The following ABR variants were observed in gnomAD, a reference collection of about 807,000 sequenced individuals.
ABR encodes the protein ABR activator of RhoGEF and GTPase, also known as active breakpoint cluster region-related protein.
Under a neutral mutation model 107.2 loss-of-function variants are expected in ABR, and 35 were observed. The observed-to-expected ratio is 0.33, with a 90% CI of 0.25 to 0.43. The LOEUF (loss-of-function observed/expected upper bound fraction) is 0.43, where lower values mean the gene tolerates loss of function less well. ABR is among the 20% of genes least tolerant of loss of function. ABR has a pLI of 1.00. For synonymous variants in ABR, 498 were observed against 462.0 expected (o/e 1.08, Z -1.00); for missense variants, 815 against 1,115.2 (o/e 0.73, Z 3.83).
At chr17:1,057,940 T>G (rs540411287) in intron 12 of ABR, 30 bp downstream of exon 12, 1 of 1,584,774 alleles carries the variant, frequency 6.3e-7, no homozygotes, top group Admixed American at 1.7e-5. Context: ...ACGGACATCA[T>G]TGGGGAGCGT....
intron 1 of ABR, among the ~76,000 whole-genome samples, chr17:1,201,778 G>C (rs909964426): frequency 3.3e-5 from 5 of 152,002 alleles, no homozygotes; most frequent in African/African-American, 1.2e-4. Context: ...CCACGTTCAC[G>C]CCATTCTCCT....
intron 16 of ABR, among the ~76,000 whole-genome samples, chr17:1,041,646 T>G (rs1019735174): frequency 6.6e-6 from 1 of 152,050 alleles, no homozygotes; most frequent in African/African-American, 2.4e-5. Flanking sequence ...GACAGGAGAA[T>G]CACTTGAACC....
intron 16 of ABR, among the ~76,000 whole-genome samples, chr17:1,026,880 A>G (rs1177523041): frequency 6.6e-6 from 1 of 151,652 alleles, no homozygotes; most frequent in Non-Finnish European, 1.5e-5. Flanking sequence ...CCCTGTGGCC[A>G]ACACCTGGCA....
intron 4 of ABR, among the ~76,000 whole-genome samples, chr17:1,085,110 C>CTTTTTTTT (rs1230702293): frequency 1.6e-5 from 2 of 126,128 alleles, no homozygotes; most frequent in Admixed American, 8.1e-5. Flanking sequence ...CCAATTAAAA[C>CTTTTTTTT]TTTTTTTTTT....
intron 1 of ABR, among the ~76,000 whole-genome samples, chr17:1,125,916 C>T (rs532784213): frequency 2.9e-4 from 44 of 152,236 alleles, no homozygotes; most frequent in African/African-American, 8.9e-4. Flanking sequence ...GCACGGAGGA[C>T]GGAGCCCAAG....
At chr17:1,031,503 C>G in intron 16 of ABR, 1 of 784,452 alleles carries the variant, frequency 1.3e-6, no homozygotes. Context: ...GGGGCGGGAG[C>G]GGGACCCCAT....
chr17:1,104,024 C>A (rs1212428841), intron 2 of ABR, among the ~76,000 whole-genome samples: 3 of 152,058 alleles, frequency 2.0e-5, no homozygotes, highest in Non-Finnish European at 4.4e-5. Flanking sequence ...GGGAGCCAGG[C>A]ACTGGGAATA....
rs376293928 is a variant in ABR at position 1,012,720 on chromosome 17, G to A, written c.1929C>T (p.Gly643=). 2.5e-4 allele frequency: 396 copies of A among 1,593,802 alleles called. No homozygotes were observed. The highest frequency in any genetic ancestry group is 3.6e-4 in the East Asian group (16 of 44,318). The change falls in exon 18 of 23, where the codon GGC becomes GGT. Residue 643 remains glycine, a synonymous_variant. Coordinates refer to ENST00000302538, the MANE Select transcript of ABR (RefSeq NM_021962.5). The part of the protein sequence containing the change: ...LKRTPSKKQT[G]VFGVKISVVT... ...CCACGCTGATCTTCACACCGAAGAC[G>A]CCGGTCTGCTTTTTGGACGGGGTCC... is the stretch of plus-strand genomic sequence containing the variant.
chr17:1,048,575 G>A (rs1029554742), intron 16 of ABR, among the ~76,000 whole-genome samples: 7 of 135,894 alleles, frequency 5.2e-5, no homozygotes, highest in African/African-American at 1.0e-4. Context: ...GCCCAGCTGC[G>A]CCTGGATCAC....
chr17:1,147,363 TG>T (rs1567824941), intron 1 of ABR, among the ~76,000 whole-genome samples: 3 of 124,348 alleles, frequency 2.4e-5, no homozygotes, highest in South Asian at 2.9e-4. Context: ...GGGTTTTGGT[TG>T]TTTTTTTTTT....
chr17:1,137,326 G>A (rs2040112566), intron 1 of ABR, among the ~76,000 whole-genome samples: 3 of 152,170 alleles, frequency 2.0e-5, no homozygotes, highest in Non-Finnish European at 4.4e-5. Context: ...ACAGGCGTGA[G>A]CCACCGAGCC....
Position 1,145,126 on chromosome 17 carries a change from G to A in ABR, c.62-19759C>T, listed in dbSNP as rs192091263. On this transcript the variant is annotated intron_variant, in intron 1 of 22. Coordinates refer to ENST00000302538, the MANE Select transcript of ABR (RefSeq NM_021962.5). The stretch of plus-strand genomic sequence containing the variant: ...GTTATCGGTATATTCTGTCTTCCCC[G>A]CGAGGTGGTGGCCCTCTTCTGCTCA... Among the ~76,000 whole-genome samples, 107 of 152,292 alleles carry A rather than the reference G, an allele frequency of 7.0e-4. 1 individual carries two copies. The highest frequency in any genetic ancestry group is 1.6e-3 in the African/African-American group (66 of 41,556).
chr17:1,050,552 C>A lies in ABR; in HGVS notation c.1644G>T (p.Glu548Asp), dbSNP rs1474439776. 1 of 1,613,934 alleles carries A rather than the reference C, an allele frequency of 6.2e-7. No homozygotes were observed. The highest frequency in any genetic ancestry group is 8.5e-7 in the Non-Finnish European group (1 of 1,179,996). ...AKTRVFRDTAEPKWDEEFEIE... is the reference protein window; with the variant it reads ...AKTRVFRDTADPKWDEEFEIE... ...TGCCACTCACCTCATCCCACTTGGG[C>A]TCCGCTGTGTCCCGGAACACCCTGG... The change falls in exon 15 of 23, where the codon GAG becomes GAT. Residue 548 changes from glutamate (E) to aspartate (D), a missense_variant. Transcript: ENST00000302538. The surrounding 1 kb of genome is among the most constrained non-coding windows in gnomAD (Gnocchi z 4.6).
chr17:1,178,450 G>C (rs1307255636), intron 1 of ABR, among the ~76,000 whole-genome samples: 1 of 151,974 alleles, frequency 6.6e-6, no homozygotes, highest in East Asian at 1.9e-4. Flanking sequence ...TGTAATCCCA[G>C]CTACTCAGGA....
intron 2 of ABR, among the ~76,000 whole-genome samples, chr17:1,121,220 A>C (rs1470654089): frequency 1.3e-5 from 2 of 152,236 alleles, no homozygotes; most frequent in East Asian, 3.9e-4. Flanking sequence ...AAGGCTGTGG[A>C]AGGGCGTGCT....
At chr17:1,109,173 CCG>C in intron 2 of ABR, 15 of 1,376,044 alleles carry the variant, frequency 1.1e-5, no homozygotes, top group Middle Eastern at 2.7e-4. Flanking sequence ...AGGTCTACAC[CCG>C]CGCGCCCGGC....
rs79009138 is a variant in ABR at position 1,071,622 on chromosome 17, C to T, written c.894+992G>A. Among the ~76,000 whole-genome samples, 4,620 of 152,350 alleles carry T rather than the reference C, an allele frequency of 0.03. 91 individuals are homozygous for T. The highest frequency in any genetic ancestry group is 0.045 in the Non-Finnish European group (3,031 of 68,024). On this transcript the variant is annotated intron_variant, in intron 8 of 22. Transcript: ENST00000302538. The surrounding 1 kb of genome is among the most constrained non-coding windows in gnomAD (Gnocchi z 5.1). ...TGGACGGCCTCCACCACCTCCAACG[C>T]CAGCCTTTCCTGCTGTGGGCTCCCC... is the stretch of plus-strand genomic sequence containing the variant.
intron 1 of ABR, chr17:1,126,246 C>G (rs1157504046): frequency 6.6e-6 from 1 of 152,588 alleles, no homozygotes; most frequent in Non-Finnish European, 1.5e-5. Flanking sequence ...CGGAAAGGCC[C>G]CTGCGTCCAG....
upstream of ABR, among the ~76,000 whole-genome samples, chr17:1,188,243 T>C (rs1340588837): frequency 6.6e-6 from 1 of 151,566 alleles, no homozygotes; most frequent in Non-Finnish European, 1.5e-5. Flanking sequence ...TAACAATGTG[T>C]GGGAGCATTT....
Sources: gnomAD v4.1 joint callset for allele counts (sites outside exome capture counted in the v4.1 genomes callset) on GRCh38, gnomAD v4.1.1 for gene constraint, Gnocchi (gnomAD v3.1) non-coding constraint, MANE v1.5 for transcripts, NCBI Gene and HGNC (gene_info 2026-07-23, HGNC 2026-07-21) for gene names.